Variants in L3MBTL3 observed in about 807,000 individuals in gnomAD.
L3MBTL3 encodes the protein L3MBTL histone methyl-lysine binding protein 3.
L3MBTL3 carries 27 observed loss-of-function variants against 102.3 expected under a neutral mutation model. That is an observed-to-expected ratio of 0.26 (90% CI 0.19 to 0.36). The LOEUF is 0.36. L3MBTL3 is among the 10% of genes least tolerant of loss of function. The pLI is 1.00. For synonymous variants in L3MBTL3, 340 were observed against 320.9 expected, an observed-to-expected ratio of 1.06 and a Z score of -0.64; for missense variants, 798 against 955.3, an observed-to-expected ratio of 0.84 and a Z score of 2.17.
chr6:130,053,074 C>T (rs1781208328), intron 7 of L3MBTL3, 83 bp downstream of exon 7: 2 of 1,070,534 alleles, frequency 1.9e-6, no homozygotes, highest in Admixed American at 1.9e-5. Context: ...GCTCTGGAGC[C>T]CACTGAGTTC....
chr6:130,129,231 G>A (rs1046576763), intron 20 of L3MBTL3, among the ~76,000 whole-genome samples: 1 of 152,100 alleles, frequency 6.6e-6, no homozygotes, highest in Non-Finnish European at 1.5e-5. Context: ...GAGGTCTTTA[G>A]TGTCTGTCTC....
At chr6:130,104,705 T>C (rs1270095501) in intron 19 of L3MBTL3, 130 bp downstream of exon 19, 2 of 583,166 alleles carry the variant, frequency 3.4e-6, no homozygotes, top group Non-Finnish European at 5.3e-6. Context: ...TGACTTAATG[T>C]GAAATGATGG....
At chr6:130,056,117 G>A (rs2114844186) in intron 8 of L3MBTL3, among the ~76,000 whole-genome samples, 1 of 152,118 alleles carries the variant, frequency 6.6e-6, no homozygotes, top group South Asian at 2.1e-4. Context: ...TAGTAGAGAT[G>A]GGGTTTCATC....
At chr6:130,092,437 G>C (rs1436569953) in intron 16 of L3MBTL3, among the ~76,000 whole-genome samples, 1 of 151,706 alleles carries the variant, frequency 6.6e-6, no homozygotes, top group Admixed American at 6.6e-5. Context: ...ATATGAAGAT[G>C]TTATAACAGT....
At chr6:130,029,519 AT>A (rs888530368) in intron 2 of L3MBTL3, among the ~76,000 whole-genome samples, 4 of 151,864 alleles carry the variant, frequency 2.6e-5, no homozygotes, top group African/African-American at 4.8e-5. Flanking sequence ...TGGCAGTTAA[AT>A]TTTTTTTCTT....
At chr6:130,135,636 A>T (rs1013503203) in intron 22 of L3MBTL3, among the ~76,000 whole-genome samples, 1 of 152,104 alleles carries the variant, frequency 6.6e-6, no homozygotes, top group African/African-American at 2.4e-5. Flanking sequence ...TTCATGGCAG[A>T]TTGTCTTTGG....
rs142148581 is a variant in L3MBTL3, at chr6:130,078,753, C to G, written c.1321+119C>G. On this transcript the variant is annotated intron_variant, in intron 14 of 22. Coordinates refer to ENST00000361794, the MANE Select transcript of L3MBTL3 (RefSeq NM_032438.4). ...TTGCAGACCATGCAGTTTTCTGTCA[C>G]CACTACTCAAAACAGTTGTAGTGCA... 5.5e-4 allele frequency: 351 copies of G among 643,008 alleles called. No individual in the cohort carries two copies. In the African/African-American group the frequency reaches 5.8e-3, roughly 11 times the overall value. The allele number at this position is 643,008 out of a possible 1,614,324, so 39.8% of individuals were successfully genotyped here.
At chr6:130,051,446 T>C (rs772432337) in intron 6 of L3MBTL3, 38 bp downstream of exon 6, 1 of 1,573,206 alleles carries the variant, frequency 6.4e-7, no homozygotes, top group Non-Finnish European at 8.7e-7. Flanking sequence ...AATTGAGTTT[T>C]AGATTCCAAA....
intron 19 of L3MBTL3, among the ~76,000 whole-genome samples, chr6:130,116,775 GC>G (rs1785715101): frequency 6.6e-6 from 1 of 151,654 alleles, no homozygotes; most frequent in Non-Finnish European, 1.5e-5. Context: ...TCGCACACTT[GC>G]GCCTAAGCAG....
chr6:130,052,815 AGGTATT>A, intron 6 of L3MBTL3, 38 bp from the exon 7 acceptor site: 2 of 1,562,496 alleles, frequency 1.3e-6, no homozygotes, highest in Non-Finnish European at 1.7e-6. Context: ...GATGTTTGAT[AGGTATT>A]GTCTCTTGTC....
At chr6:130,122,086 G>A (rs916115449) in intron 20 of L3MBTL3, among the ~76,000 whole-genome samples, 3 of 151,938 alleles carry the variant, frequency 2.0e-5, no homozygotes, top group African/African-American at 7.3e-5. Context: ...TAGTATAGAT[G>A]GTATTTATAA....
chr6:130,119,288 T>C (rs1252016838), intron 19 of L3MBTL3, among the ~76,000 whole-genome samples: 2 of 152,202 alleles, frequency 1.3e-5, no homozygotes, highest in African/African-American at 2.4e-5. Context: ...TAATAATAAT[T>C]GATATAGCCA....
chr6:130,098,289 G>A (rs17705246), intron 18 of L3MBTL3, among the ~76,000 whole-genome samples: 9,664 of 152,232 alleles, frequency 0.063, 447 homozygotes, highest in Non-Finnish European at 0.1. Context: ...GCATCTATCC[G>A]TGAACAAACC....
chr6:130,049,639 T>A (rs769723142), intron 4 of L3MBTL3, 117 bp from the exon 5 acceptor site: 31 of 1,150,238 alleles, frequency 2.7e-5, no homozygotes, highest in Non-Finnish European at 3.9e-5. Flanking sequence ...ATTAAGTAAA[T>A]CCATGTTGTA....
intron 2 of L3MBTL3, among the ~76,000 whole-genome samples, chr6:130,040,443 G>A (rs753583892): frequency 2.6e-4 from 40 of 151,764 alleles, no homozygotes; most frequent in Non-Finnish European, 4.9e-4. Flanking sequence ...TTGCTTAACC[G>A]AGTTAGGCAG....
At chr6:130,037,516 CT>C (rs1456477386) in intron 2 of L3MBTL3, among the ~76,000 whole-genome samples, 1 of 151,968 alleles carries the variant, frequency 6.6e-6, no homozygotes, top group African/African-American at 2.4e-5. Flanking sequence ...AGAAGTCATA[CT>C]AAGTCTTAAT....
chr6:130,072,316 A>G (rs1782690831), intron 13 of L3MBTL3, among the ~76,000 whole-genome samples: 1 of 152,126 alleles, frequency 6.6e-6, no homozygotes. Context: ...TAAGGGAGAT[A>G]AAGTAAACAG....
chr6:130,120,995 ACTG>A (rs757997133), intron 20 of L3MBTL3, 37 bp downstream of exon 20: 2 of 1,271,332 alleles, frequency 1.6e-6, no homozygotes, highest in East Asian at 4.7e-5. Context: ...AATGTGTATT[ACTG>A]CTAATATGAA....
Position 130,057,418 on chromosome 6 carries a change from A to C in L3MBTL3, c.680A>C (p.Lys227Thr). The C allele has an allele frequency of 6.2e-7, 1 of 1,608,882 alleles. No homozygotes were observed. Among genetic ancestry groups the C allele is most frequent in the South Asian group, 1.1e-5 (1 of 89,218 alleles). The change falls in exon 9 of 23, where the codon AAA (lysine) becomes ACA (threonine). Residue 227 changes from lysine to threonine, a missense_variant. Transcript: ENST00000361794. ...GCTTGCCTTTCAGGTTTGCCTCCTA[A>C]AGGAAAGAAAGCGTGGTGCTGGGCA... ...SAVLKQGLPP[K>T]GKKAWCWASY...
Sources: gnomAD v4.1 joint callset for allele counts (sites outside exome capture counted in the v4.1 genomes callset) on GRCh38, gnomAD v4.1.1 for gene constraint, MANE v1.5 for transcripts, NCBI Gene and HGNC (gene_info 2026-07-23, HGNC 2026-07-21) for gene names.